YAF2: variants seen among roughly 807,000 people sequenced by gnomAD.
The protein encoded by YAF2 is YY1 associated factor 2.
A neutral mutation model predicts 20.1 loss-of-function variants in YAF2; 7 were observed. The observed-to-expected ratio is 0.35, with a 90% CI of 0.20 to 0.65. The LOEUF is 0.65. YAF2 is among the 30% of genes least tolerant of loss of function. YAF2 has a pLI of 0.69. For missense variants in YAF2, 151 were observed against 219.2 expected, an observed-to-expected ratio of 0.69 and a Z score of 1.96; for synonymous variants, 74 against 76.0, an observed-to-expected ratio of 0.97 and a Z score of 0.14.
At chr12:42,210,767 C>G in intron 2 of YAF2, 1 of 1,241,242 alleles carries the variant, frequency 8.1e-7, no homozygotes, top group Non-Finnish European at 1.1e-6. Flanking sequence ...CACTAGATAA[C>G]TATATATACA....
At chr12:42,220,267 T>G (rs1197711409) in intron 2 of YAF2, among the ~76,000 whole-genome samples, 1 of 152,252 alleles carries the variant, frequency 6.6e-6, no homozygotes, top group African/African-American at 2.4e-5. Context: ...TCTTCCTCCT[T>G]ATACTTCCTT....
chr12:42,199,256 T>TAA (rs2066835822), intron 2 of YAF2: 1 of 1,264,538 alleles, frequency 7.9e-7, no homozygotes, highest in African/African-American at 1.5e-5. Flanking sequence ...GGTTACAGAG[T>TAA]AAGAAAGAAA....
chr12:42,172,593 G>T (rs2066077559), intron 2 of YAF2, among the ~76,000 whole-genome samples: 1 of 152,178 alleles, frequency 6.6e-6, no homozygotes, highest in Non-Finnish European at 1.5e-5. Flanking sequence ...CCCAGAGATA[G>T]CAGAAGTGCT....
At chr12:42,232,260 G>A (rs1441202848) in intron 2 of YAF2, 1 of 244,942 alleles carries the variant, frequency 4.1e-6, no homozygotes. Flanking sequence ...TAAGGTGCTG[G>A]CAGTTTTACC....
chr12:42,198,953 A>C (rs1276118589), intron 2 of YAF2, among the ~76,000 whole-genome samples: 2 of 152,200 alleles, frequency 1.3e-5, no homozygotes, highest in Non-Finnish European at 2.9e-5. Flanking sequence ...ATATACCCTG[A>C]TTTTGAATAC....
At chr12:42,224,736 A>G (rs2067635908) in intron 2 of YAF2, among the ~76,000 whole-genome samples, 1 of 152,132 alleles carries the variant, frequency 6.6e-6, no homozygotes, top group Non-Finnish European at 1.5e-5. Flanking sequence ...ATAGTATTCC[A>G]TGGTGTATAT....
At chr12:42,232,990 G>C in intron 2 of YAF2, 1 of 985,284 alleles carries the variant, frequency 1.0e-6, no homozygotes, top group Non-Finnish European at 1.2e-6. Flanking sequence ...GTTCTAATTT[G>C]CAAAACTGTA....
chr12:42,196,153 T>C (rs2066745033), intron 2 of YAF2, among the ~76,000 whole-genome samples: 1 of 133,794 alleles, frequency 7.5e-6, no homozygotes, highest in Admixed American at 9.0e-5. Flanking sequence ...GCCCAAGAGG[T>C]GGAGGTTGCA....
intron 2 of YAF2, among the ~76,000 whole-genome samples, chr12:42,227,291 T>C (rs1365993313): frequency 1.5e-5 from 1 of 64,670 alleles, no homozygotes; most frequent in South Asian, 6.7e-4. Flanking sequence ...TGTCTCTGCC[T>C]GGCCGCCCAT....
Position 42,160,833 on chromosome 12 carries a change from A to G in YAF2, c.306-7T>C. Reference sequence around the variant, plus strand: ...CACATTTTTCAATCTTGGCCTAAACATAAAAAAATGAAATTTTAAACTAGC... The same window carrying G: ...CACATTTTTCAATCTTGGCCTAAACGTAAAAAAATGAAATTTTAAACTAGC... On this transcript the variant is annotated splice_polypyrimidine_tract_variant and splice_region_variant and intron_variant, in intron 3 of 3. Transcript: ENST00000534854. 1.3e-6 allele frequency: 2 copies of G among 1,584,928 alleles called. No homozygotes were observed. The highest frequency in any genetic ancestry group is 1.7e-6 in the Non-Finnish European group (2 of 1,167,484).
chr12:42,226,563 C>T (rs1296875652), intron 2 of YAF2, among the ~76,000 whole-genome samples: 1 of 152,022 alleles, frequency 6.6e-6, no homozygotes, highest in Non-Finnish European at 1.5e-5. Flanking sequence ...ACTTGGGAGG[C>T]TAAGGTGGGG....
chr12:42,194,124 T>A (rs1205248119), intron 2 of YAF2, among the ~76,000 whole-genome samples: 1 of 152,210 alleles, frequency 6.6e-6, no homozygotes, highest in Non-Finnish European at 1.5e-5. Flanking sequence ...AAATTAATAC[T>A]AAGCTCATAA....
chr12:42,236,334 C>G (rs2068155240), intron 2 of YAF2, among the ~76,000 whole-genome samples: 1 of 152,026 alleles, frequency 6.6e-6, no homozygotes, highest in Admixed American at 6.5e-5. Context: ...TACTTTTTTT[C>G]TTTTTGGAAT....
intron 2 of YAF2, among the ~76,000 whole-genome samples, chr12:42,175,696 C>T (rs1261524974): frequency 8.0e-6 from 1 of 124,810 alleles, no homozygotes; most frequent in East Asian, 2.4e-4. Context: ...CCAACGAGAT[C>T]GCACCACTAC....
At chr12:42,196,404 A>G (rs1284917362) in intron 2 of YAF2, among the ~76,000 whole-genome samples, 1 of 152,134 alleles carries the variant, frequency 6.6e-6, no homozygotes, top group African/African-American at 2.4e-5. Flanking sequence ...AGAAATAAAC[A>G]GGAACCAGTA....
rs529981797 is a variant in YAF2 at position 42,171,101 on chromosome 12, T to C, written c.153-9336A>G. 3.3e-5 allele frequency among the ~76,000 whole-genome samples: 5 copies of C among 152,232 alleles called. No homozygotes were observed. The East Asian group carries it at 9.7e-4, about 30-fold the overall frequency. The stretch of plus-strand genomic sequence containing the variant: ...TCCGTCTCCTGGGTTCAAGCAATCC[T>C]CCTGCCTCAGCCTCCCAAGTAGCTG... On this transcript the variant is annotated intron_variant, in intron 2 of 3. Transcript: ENST00000534854.
intron 2 of YAF2, among the ~76,000 whole-genome samples, chr12:42,216,016 C>T (rs933896199): frequency 6.6e-6 from 1 of 151,932 alleles, no homozygotes; most frequent in African/African-American, 2.4e-5. Flanking sequence ...ATTCTTGACA[C>T]CAACAAGTAC....
In YAF2 at chr12:42,229,261, GAC is replaced by G. The variant is rs1322192154; in HGVS notation, c.152+8336_152+8337del. On this transcript the variant is annotated intron_variant, in intron 2 of 3. Coordinates refer to ENST00000534854, the MANE Select transcript of YAF2 (RefSeq NM_005748.6). ...CAATCCCTAATCTCAAGTAATCAGG[GAC>G]ACAAACACTGCGGAAGGCCGCAGGG... Among the ~76,000 whole-genome samples the G allele has an allele frequency of 4.9e-3, 587 of 120,064 alleles. 5 individuals are homozygous for G. Among genetic ancestry groups the G allele is most frequent in the Middle Eastern group, 0.03 (8 of 264 alleles). 78.8% of individuals were successfully genotyped at this position (120,064 alleles called of 152,430 possible).
chr12:42,238,131 G>T, intron 1 of YAF2, 24 bp downstream of exon 1: 2 of 1,532,002 alleles, frequency 1.3e-6, no homozygotes, highest in Non-Finnish European at 1.8e-6. Context: ...CACAGTCCGG[G>T]CCCCGGGGCC....
Sources: gnomAD v4.1 joint callset for allele counts (sites outside exome capture counted in the v4.1 genomes callset) on GRCh38, gnomAD v4.1.1 for gene constraint, MANE v1.5 for transcripts, NCBI Gene and HGNC (gene_info 2026-07-23, HGNC 2026-07-21) for gene names.